FSIP2: variants seen among roughly 807,000 people sequenced by gnomAD.
FSIP2 encodes fibrous sheath-interacting protein 2.
Under a neutral mutation model 510.5 loss-of-function variants are expected in FSIP2, and 367 were observed. That is an observed-to-expected ratio of 0.72 (90% CI 0.66 to 0.78). FSIP2 has a LOEUF of 0.78. Among genes scored for constraint, FSIP2 ranks in the 30% least tolerant of loss-of-function variants. The pLI is 0.00. For missense variants in FSIP2, 7,594 were observed against 7,901.7 expected (o/e 0.96, Z 1.48); for synonymous variants, 2,601 against 2,732.2 (o/e 0.95, Z 1.50).
In FSIP2 at chr2:185,807,580, C is replaced by G; in HGVS notation, c.18274C>G (p.Leu6092Val). 1 of 1,612,274 alleles carries G rather than the reference C, an allele frequency of 6.2e-7. No homozygotes were observed. The highest frequency in any genetic ancestry group is 8.5e-7 in the Non-Finnish European group (1 of 1,179,124). The change falls in exon 17 of 23, where the codon CTC becomes GTC. Residue 6092 changes from leucine to valine, a missense_variant. By Grantham distance (32) the Leu-to-Val change is conservative. Coordinates refer to ENST00000424728, the MANE Select transcript of FSIP2 (RefSeq NM_173651.4). ...AGTGGTTCAGTCTGTTTATAATAAT[C>G]TCTTGCCACAGTTTGGATCACAAGA... ...QLVVQSVYNN[L>V]LPQFGSQEII...
chr2:185,763,308 AC>A lies in FSIP2; in HGVS notation c.1347+23del. Reference sequence around the variant, plus strand: ...AGAAGAGGTATATAACAGTTCTTTTACCCCAAATACAAACACAATAAAAGGG... The same window carrying A: ...AGAAGAGGTATATAACAGTTCTTTTACCCAAATACAAACACAATAAAAGGG... On this transcript the variant is annotated intron_variant, in intron 12 of 22. Coordinates refer to ENST00000424728, the MANE Select transcript of FSIP2 (RefSeq NM_173651.4). 1.1e-6 allele frequency: 1 copy of A among 947,622 alleles called. No individual in the cohort carries two copies. Among genetic ancestry groups the A allele is most frequent in the African/African-American group, 1.6e-5 (1 of 61,620 alleles). The allele number at this position is 947,622 out of a possible 1,614,324, so 58.7% of individuals were successfully genotyped here.
At chr2:185,743,841 A>G (rs192675044) in intron 3 of FSIP2, among the ~76,000 whole-genome samples, 78 of 152,224 alleles carry the variant, frequency 5.1e-4, no homozygotes, top group African/African-American at 1.8e-3. Context: ...AGTAATATGT[A>G]TATATTTTTT....
In FSIP2 at chr2:185,794,323, T is replaced by C; in HGVS notation, c.7187T>C (p.Met2396Thr). The change falls in exon 16 of 23, where the codon ATG becomes ACG. Residue 2396 changes from methionine (M) to threonine (T), a missense_variant. Met to Thr is a moderately conservative substitution (Grantham distance 81, BLOSUM62 -1). Coordinates refer to ENST00000424728, the MANE Select transcript of FSIP2 (RefSeq NM_173651.4). ...NIIVSEIVDS[M>T]LKMLDDKRSV... ...ATTGTGAGTGAAATTGTTGACAGTA[T>C]GTTAAAGATGTTAGATGATAAAAGA... is the stretch of plus-strand genomic sequence containing the variant. 6.6e-7 allele frequency: 1 copy of C among 1,518,290 alleles called. No homozygotes were observed. The highest frequency in any genetic ancestry group is 2.5e-5 in the East Asian group (1 of 40,688). The allele number at this position is 1,518,290 out of a possible 1,614,324, so 94.1% of individuals were successfully genotyped here.
chr2:185,773,680 T>C (rs543110471), intron 13 of FSIP2, among the ~76,000 whole-genome samples: 3 of 152,294 alleles, frequency 2.0e-5, no homozygotes, highest in Admixed American at 1.3e-4. Flanking sequence ...TGTTTTTATA[T>C]CTTAACCTCT....
chr2:185,812,358 T>G (rs1384078824), intron 17 of FSIP2, among the ~76,000 whole-genome samples: 1 of 152,102 alleles, frequency 6.6e-6, no homozygotes, highest in Non-Finnish European at 1.5e-5. Context: ...GTCAGGCCAA[T>G]TTCTCCCGTT....
At chr2:185,826,521 C>T (rs1192278275) in intron 20 of FSIP2, among the ~76,000 whole-genome samples, 1 of 151,808 alleles carries the variant, frequency 6.6e-6, no homozygotes, top group Non-Finnish European at 1.5e-5. Flanking sequence ...GAGGTCTTCA[C>T]TGGCCACACT....
At chr2:185,786,395 A>ATT in intron 15 of FSIP2, 107 bp downstream of exon 15, 2 of 721,748 alleles carry the variant, frequency 2.8e-6, no homozygotes, top group Non-Finnish European at 4.5e-6. Context: ...ATCCATTGAT[A>ATT]TTTGTTAGGC....
At chr2:185,738,302 G>C (rs1691827783), upstream of FSIP2, 1 of 350,188 alleles carries the variant, frequency 2.9e-6, no homozygotes, top group Admixed American at 4.7e-5. Flanking sequence ...TGCAGGAGCA[G>C]AGAGGAGGCA....
chr2:185,761,969 TAG>T lies in FSIP2; in HGVS notation c.1198_1199del. ...TTTTTCTCTTCAATGTGGTACCATG[TAG>T]AGAGATGGGATGGTATCTAAAAACT... On this transcript the variant is annotated splice_acceptor_variant, in intron 10 of 22. Coordinates refer to ENST00000424728, the MANE Select transcript of FSIP2 (RefSeq NM_173651.4). LOFTEE classifies it high-confidence loss of function. 1 of 1,463,246 alleles carries T rather than the reference TAG, an allele frequency of 6.8e-7. No individual in the cohort carries two copies. The allele number at this position is 1,463,246 out of a possible 1,614,324, so 90.6% of individuals were successfully genotyped here. A position where few individuals can be genotyped will look rare whatever the true frequency, so the allele number is the denominator to read the frequency against.
chr2:185,791,380 A>C lies in FSIP2; in HGVS notation c.4244A>C (p.His1415Pro). The change falls in exon 16 of 23, where the codon CAC (histidine) becomes CCC (proline). Residue 1415 changes from histidine to proline, a missense_variant. His to Pro is a moderately conservative substitution (Grantham distance 77). Coordinates refer to ENST00000424728, the MANE Select transcript of FSIP2 (RefSeq NM_173651.4). Reference protein sequence around the residue: ...FHKYLATPCTHHSVNGGNHIK... With the variant: ...FHKYLATPCTPHSVNGGNHIK... ...AAATATTTGGCTACTCCTTGTACTC[A>C]CCACAGTGTCAATGGTGGAAACCAT... The C allele has an allele frequency of 6.5e-7, 1 of 1,534,238 alleles. No individual in the cohort carries two copies. The highest frequency in any genetic ancestry group is 8.7e-7 in the Non-Finnish European group (1 of 1,145,558).
At chr2:185,797,601 C>A in intron 16 of FSIP2, 75 bp downstream of exon 16, 1 of 1,408,772 alleles carries the variant, frequency 7.1e-7, no homozygotes, top group Middle Eastern at 1.8e-4. Flanking sequence ...TTTAAAAGAT[C>A]TCCTGTCTAA....
At chr2:185,738,611 G>A (rs1259335686), upstream of FSIP2, 7 of 1,535,940 alleles carry the variant, frequency 4.6e-6, no homozygotes, top group Non-Finnish European at 6.1e-6. Flanking sequence ...GCTAAGGCGT[G>A]ATGGTTTCAG....
Position 185,805,887 on chromosome 2 carries a change from T to C in FSIP2, c.16581T>C (p.Ile5527=), listed in dbSNP as rs925812491. The part of the protein sequence containing the change: ...KKEVDENKVG[I]CTQKHSENVS... ...AAGTGGATGAAAATAAAGTGGGAAT[T>C]TGTACTCAAAAACATAGTGAGAATG... is the stretch of plus-strand genomic sequence containing the variant. Residue 5527 remains isoleucine, a synonymous_variant, in exon 17 of 23, where the codon ATT becomes ATC. Transcript: ENST00000424728. 3.1e-6 allele frequency: 5 copies of C among 1,608,826 alleles called. No individual in the cohort carries two copies. The highest frequency in any genetic ancestry group is 3.4e-6 in the Non-Finnish European group (4 of 1,177,806).
intron 2 of FSIP2, among the ~76,000 whole-genome samples, 167 bp downstream of exon 2, chr2:185,739,638 T>C (rs1003977972): frequency 6.6e-6 from 1 of 152,238 alleles, no homozygotes; most frequent in African/African-American, 2.4e-5. Flanking sequence ...TATGAAGCAC[T>C]TTCATCTTAA....
In FSIP2 at chr2:185,833,257, T is replaced by G; in HGVS notation, c.*31T>G. On this transcript the variant is annotated 3_prime_UTR_variant, in exon 23 of 23. Transcript: ENST00000424728. ...TTGTACCTGATATAAGTATGCTTAC[T>G]TCTTTTAGAAAATAAAATGGTTTTT... The G allele has an allele frequency of 1.3e-6, 2 of 1,554,854 alleles. No individual in the cohort carries two copies. The highest frequency in any genetic ancestry group is 1.7e-6 in the Non-Finnish European group (2 of 1,146,894).
intron 13 of FSIP2, among the ~76,000 whole-genome samples, chr2:185,776,050 G>A (rs73045043): frequency 0.045 from 6,847 of 152,182 alleles, 508 homozygotes; most frequent in African/African-American, 0.16. Context: ...CGGGTGCATC[G>A]CTTGAGCTCA....
chr2:185,820,825 T>C (rs1406914631), intron 19 of FSIP2, among the ~76,000 whole-genome samples: 1 of 151,430 alleles, frequency 6.6e-6, no homozygotes, highest in African/African-American at 2.4e-5. Flanking sequence ...AAATTTATAG[T>C]TGTAAATTAT....
intron 1 of FSIP2, 175 bp from the exon 2 acceptor site, chr2:185,739,171 C>A: frequency 8.8e-7 from 1 of 1,138,312 alleles, no homozygotes; most frequent in Non-Finnish European, 1.2e-6. Context: ...CCGCAACTGG[C>A]AGGCGCGGGA....
At chr2:185,748,728 C>T (rs1194321720) in intron 7 of FSIP2, among the ~76,000 whole-genome samples, 3 of 152,004 alleles carry the variant, frequency 2.0e-5, no homozygotes, top group East Asian at 1.9e-4. Flanking sequence ...GCCCATTAGA[C>T]GTGGTCACTG....
Sources: allele counts gnomAD v4.1 joint callset (sites outside exome capture counted in the v4.1 genomes callset), GRCh38; gene constraint gnomAD v4.1.1; transcripts MANE v1.5; gene names NCBI Gene and HGNC (gene_info 2026-07-23, HGNC 2026-07-21).